The following WDFY4 variants were observed in gnomAD, a reference collection of about 807,000 sequenced individuals.
The protein encoded by WDFY4 is WD repeat- and FYVE domain-containing protein 4.
In WDFY4, 169 loss-of-function variants were observed where a neutral mutation model predicts 351.9. The ratio of observed to expected loss-of-function variants is 0.48; its 90% CI spans 0.42 to 0.55. The LOEUF (loss-of-function observed/expected upper bound fraction) is 0.55. Among genes scored for constraint, WDFY4 ranks in the 20% least tolerant of loss-of-function variants. WDFY4 has a pLI of 0.00. For missense variants in WDFY4, 3,803 were observed against 3,935.6 expected, an observed-to-expected ratio of 0.97 and a Z score of 0.90; for synonymous variants, 1,622 against 1,574.6, an observed-to-expected ratio of 1.03 and a Z score of -0.71.
chr10:48,765,934 A>C (rs999971652), intron 13 of WDFY4, among the ~76,000 whole-genome samples: 2 of 152,236 alleles, frequency 1.3e-5, no homozygotes, highest in African/African-American at 4.8e-5. Context: ...GCATGTATCT[A>C]TCAACTCATT....
chr10:48,786,609 T>C, intron 19 of WDFY4, 30 bp from the exon 20 acceptor site: 2 of 1,506,236 alleles, frequency 1.3e-6, no homozygotes, highest in Non-Finnish European at 1.8e-6. Context: ...GATCAAACAC[T>C]ACTCACTCTT....
intron 19 of WDFY4, among the ~76,000 whole-genome samples, chr10:48,783,855 T>C (rs2066306652): frequency 6.6e-6 from 1 of 152,210 alleles, no homozygotes. Flanking sequence ...TTTGTGTATC[T>C]AAACACTCTA....
intron 60 of WDFY4, chr10:48,978,619 C>T: frequency 8.1e-6 from 4 of 491,036 alleles, no homozygotes; most frequent in South Asian, 3.0e-5. Flanking sequence ...ATAACCTAAC[C>T]ATAGACACTG....
chr10:48,686,378 G>A (rs1323776971), intron 1 of WDFY4, among the ~76,000 whole-genome samples: 1 of 150,062 alleles, frequency 6.7e-6, no homozygotes, highest in Non-Finnish European at 1.5e-5. Context: ...TAAGATAGAA[G>A]TAATAAAAAC....
chr10:48,737,634 C>CA (rs2064715138), intron 11 of WDFY4, among the ~76,000 whole-genome samples: 2 of 152,074 alleles, frequency 1.3e-5, no homozygotes, highest in African/African-American at 4.8e-5. Flanking sequence ...TCACAGATGA[C>CA]AAGAACCCAG....
chr10:48,967,816 T>A (rs1018391053), intron 55 of WDFY4: 1 of 152,262 alleles, frequency 6.6e-6, no homozygotes, highest in Non-Finnish European at 1.5e-5. Context: ...CCAAGGAGTA[T>A]GAAGTTAAGT....
intron 54 of WDFY4, 41 bp from the exon 55 acceptor site, chr10:48,966,485 G>T: frequency 6.5e-7 from 1 of 1,532,094 alleles, no homozygotes. Flanking sequence ...CCTCCTCTGG[G>T]CATCTCTCCC....
At chr10:48,903,761 G>A (rs1000641069) in intron 47 of WDFY4, among the ~76,000 whole-genome samples, 1 of 152,160 alleles carries the variant, frequency 6.6e-6, no homozygotes, top group Non-Finnish European at 1.5e-5. Context: ...GAGCTATTGG[G>A]CATATGAATC....
chr10:48,847,999 A>G (rs189081943), intron 39 of WDFY4, among the ~76,000 whole-genome samples: 2 of 152,260 alleles, frequency 1.3e-5, no homozygotes, highest in South Asian at 2.1e-4. Context: ...CTCTGGTATT[A>G]CTTGACATTT....
chr10:48,841,522 T>C (rs2068606592), intron 39 of WDFY4, among the ~76,000 whole-genome samples: 1 of 152,052 alleles, frequency 6.6e-6, no homozygotes, highest in South Asian at 2.1e-4. Flanking sequence ...GTTCAGGGAG[T>C]ATCATCCATG....
chr10:48,706,412 G>T (rs1471792734), intron 1 of WDFY4, among the ~76,000 whole-genome samples: 1 of 152,290 alleles, frequency 6.6e-6, no homozygotes. Context: ...AACACCAGCT[G>T]CAGGGAGCTC....
chr10:48,888,669 G>A (rs572042779), intron 43 of WDFY4, among the ~76,000 whole-genome samples: 1 of 152,268 alleles, frequency 6.6e-6, no homozygotes, highest in South Asian at 2.1e-4. Context: ...TAGCCGTACT[G>A]ACCACTTTCT....
chr10:48,781,576 G>A (rs2066227503), intron 19 of WDFY4, among the ~76,000 whole-genome samples: 1 of 152,188 alleles, frequency 6.6e-6, no homozygotes, highest in Non-Finnish European at 1.5e-5. Flanking sequence ...GATAACAGGT[G>A]TGAGCCACTG....
chr10:48,928,306 A>G (rs1435312129), intron 47 of WDFY4, among the ~76,000 whole-genome samples: 1 of 149,988 alleles, frequency 6.7e-6, no homozygotes, highest in Non-Finnish European at 1.5e-5. Flanking sequence ...GCTGCTTCCC[A>G]AGGTCAGGGG....
At chr10:48,869,831 G>A (rs1463273630) in intron 40 of WDFY4, among the ~76,000 whole-genome samples, 3 of 151,852 alleles carry the variant, frequency 2.0e-5, no homozygotes, top group Non-Finnish European at 4.4e-5. Flanking sequence ...TCTCTTCTAG[G>A]GCCTCTAGTT....
chr10:48,974,423 T>C (rs977306139), intron 57 of WDFY4, among the ~76,000 whole-genome samples: 1 of 139,608 alleles, frequency 7.2e-6, no homozygotes, highest in African/African-American at 2.7e-5. Context: ...AGAATTGCTG[T>C]ACCTGGGAAG....
At chr10:48,734,072 G>A in intron 10 of WDFY4, 37 bp downstream of exon 10, 1 of 1,519,362 alleles carries the variant, frequency 6.6e-7, no homozygotes, top group Non-Finnish European at 8.9e-7. Flanking sequence ...TCACTGCTTG[G>A]TAAAACATGA....
In WDFY4 at chr10:48,785,112, G is replaced by T. The variant is rs554018343; in HGVS notation, c.3577-1527G>T. Reference sequence around the variant, plus strand: ...CCTGACCTCGTGATCCGCCTGCCTCGGCCTCCCAAAGTGCTGGGATTACAG... The same window carrying T: ...CCTGACCTCGTGATCCGCCTGCCTCTGCCTCCCAAAGTGCTGGGATTACAG... On this transcript the variant is annotated intron_variant, in intron 19 of 61. Coordinates refer to ENST00000325239, the MANE Select transcript of WDFY4 (RefSeq NM_001394531.1). Among the ~76,000 whole-genome samples, 317 of 149,218 alleles carry T rather than the reference G, an allele frequency of 2.1e-3. 1 individual carries two copies. Among genetic ancestry groups the T allele is most frequent in the African/African-American group, 7.4e-3 (299 of 40,620 alleles).
chr10:48,908,638 T>A (rs995844695), intron 47 of WDFY4, among the ~76,000 whole-genome samples: 7 of 152,018 alleles, frequency 4.6e-5, no homozygotes, highest in Admixed American at 6.6e-5. Context: ...TTTTTTTTTT[T>A]AATTTTTATT....
Sources: allele counts gnomAD v4.1 joint callset (sites outside exome capture counted in the v4.1 genomes callset), GRCh38; gene constraint gnomAD v4.1.1; transcripts MANE v1.5; gene names NCBI Gene and HGNC (gene_info 2026-07-23, HGNC 2026-07-21).